The following MYO3A variants were observed in gnomAD, a reference collection of about 807,000 sequenced individuals.
MYO3A encodes myosin IIIA.
Under a neutral mutation model 192.7 loss-of-function variants are expected in MYO3A, and 180 were observed. The ratio of observed to expected loss-of-function variants is 0.93; its 90% confidence interval spans 0.83 to 1.06. The LOEUF is 1.06. Ranked by LOEUF, MYO3A falls within the 50% of genes least tolerant of loss-of-function variation. MYO3A has a pLI of 0.00. For synonymous variants in MYO3A, 628 were observed against 645.3 expected (o/e 0.97, Z 0.41); for missense variants, 1,896 against 1,905.0 (o/e 1.00, Z 0.09).
At chr10:26,165,133 C>T (rs1384828709) in intron 26 of MYO3A, among the ~76,000 whole-genome samples, 2 of 152,120 alleles carry the variant, frequency 1.3e-5, no homozygotes, top group African/African-American at 4.8e-5. Context: ...GGTTTTATCT[C>T]CGGACTCATT....
At chr10:26,056,816 T>C (rs1308499645) in intron 10 of MYO3A, among the ~76,000 whole-genome samples, 2 of 152,248 alleles carry the variant, frequency 1.3e-5, no homozygotes, top group Non-Finnish European at 2.9e-5. Context: ...TCAACTCTTA[T>C]ATCCACTACA....
rs560394732 is a variant in MYO3A at position 26,170,511 on chromosome 10, G to A, written c.3370G>A (p.Asp1124Asn). Residue 1124 changes from aspartate (D) to asparagine (N), a missense_variant, in exon 29 of 35, where the codon GAC becomes AAC. Coordinates refer to ENST00000642920, the MANE Select transcript of MYO3A (RefSeq NM_017433.5). ...TTIQTSDQEF[D>N]YKKNFENTRE... ...CATTCAAACTTCTGATCAGGAATTC[G>A]ACTACAAGAAAAACTTTGAAAATAC... The A allele has an allele frequency of 6.8e-6, 11 of 1,612,528 alleles. No homozygotes were observed. The highest frequency in any genetic ancestry group is 1.3e-5 in the African/African-American group (1 of 74,990).
chr10:26,001,093 C>A (rs551139858), intron 6 of MYO3A, among the ~76,000 whole-genome samples: 3 of 152,246 alleles, frequency 2.0e-5, no homozygotes, highest in Non-Finnish European at 2.9e-5. Context: ...AGGTCCCTCC[C>A]CCAAATTACA....
At chr10:26,155,880 T>C (rs1409777185) in intron 25 of MYO3A, among the ~76,000 whole-genome samples, 2 of 152,316 alleles carry the variant, frequency 1.3e-5, no homozygotes, top group Non-Finnish European at 2.9e-5. Context: ...CATCAAACAC[T>C]GTATGTATGT....
chr10:26,129,700 A>G (rs1236841240), intron 20 of MYO3A, among the ~76,000 whole-genome samples: 5 of 151,946 alleles, frequency 3.3e-5, no homozygotes, highest in Non-Finnish European at 5.9e-5. Flanking sequence ...TCCTCATCTC[A>G]TCAGTCATTA....
chr10:26,120,682 G>T lies in MYO3A; in HGVS notation c.1783G>T (p.Gly595Cys), dbSNP rs1386353726. 1 of 1,613,786 alleles carries T rather than the reference G, an allele frequency of 6.2e-7. No homozygotes were observed. The highest frequency in any genetic ancestry group is 2.2e-5 in the East Asian group (1 of 44,842). The change falls in exon 18 of 35, where the codon GGT (glycine) becomes TGT (cysteine). Residue 595 changes from glycine to cysteine, a missense_variant. Coordinates refer to ENST00000642920, the MANE Select transcript of MYO3A (RefSeq NM_017433.5). ...TTTCTGTGGTGTGTTTCAGCAACTTGGTAGTATATACAGCATACTCGCTGC... is the reference window on the plus strand; with the variant it reads ...TTTCTGTGGTGTGTTTCAGCAACTTTGTAGTATATACAGCATACTCGCTGC... ...KVIGFTMEQL[G>C]SIYSILAAIL...
Position 26,128,795 on chromosome 10 carries a change from G to A in MYO3A, c.2262+257G>A, listed in dbSNP as rs187498455. On this transcript the variant is annotated intron_variant, in intron 20 of 34. Transcript: ENST00000642920. ...TCTTCTCCAAAACTTAGAATTCTGA[G>A]CCTTTGTAAACGAAGATATTTCCTT... Among the ~76,000 whole-genome samples, 3 of 152,294 alleles carry A rather than the reference G, an allele frequency of 2.0e-5. No individual in the cohort carries two copies. The South Asian group carries it at 6.2e-4, about 32-fold the overall frequency.
intron 15 of MYO3A, among the ~76,000 whole-genome samples, 159 bp from the exon 16 acceptor site, chr10:26,096,222 A>G (rs549512284): frequency 1.4e-4 from 22 of 152,236 alleles, no homozygotes; most frequent in Non-Finnish European, 2.9e-4. Flanking sequence ...TGGTTGTTGA[A>G]AATAATGACA....
chr10:25,968,500 A>C (rs982982488), intron 4 of MYO3A, among the ~76,000 whole-genome samples: 6 of 152,236 alleles, frequency 3.9e-5, no homozygotes, highest in Admixed American at 3.3e-4. Context: ...TATAGGGCAG[A>C]TATGAAACAT....
intron 10 of MYO3A, among the ~76,000 whole-genome samples, chr10:26,044,922 A>C (rs901638790): frequency 6.6e-6 from 1 of 152,232 alleles, no homozygotes; most frequent in Non-Finnish European, 1.5e-5. Context: ...TCCTGGGTGA[A>C]TGGAGCTGCA....
intron 26 of MYO3A, 149 bp downstream of exon 26, chr10:26,157,664 A>C (rs1841224982): frequency 1.1e-6 from 1 of 874,260 alleles, no homozygotes; most frequent in South Asian, 1.6e-5. Context: ...AAAAAAGAAG[A>C]TAGCTATTAA....
intron 22 of MYO3A, 44 bp from the exon 23 acceptor site, chr10:26,147,386 A>G (rs1328936010): frequency 1.3e-6 from 2 of 1,562,466 alleles, no homozygotes; most frequent in Admixed American, 3.3e-5. Context: ...GAGGAGGATG[A>G]CAATGACATT....
At chr10:26,006,911 A>T (rs551871731) in intron 6 of MYO3A, among the ~76,000 whole-genome samples, 1,980 of 147,728 alleles carry the variant, frequency 0.013, 19 homozygotes, top group Non-Finnish European at 0.02. Context: ...TACCAAAGCC[A>T]GGCAGAGACA....
chr10:26,064,927 A>C (rs1468438123), intron 10 of MYO3A, among the ~76,000 whole-genome samples: 3 of 152,214 alleles, frequency 2.0e-5, no homozygotes. Flanking sequence ...ATTTAGATGC[A>C]GAAGTCTGGA....
intron 10 of MYO3A, among the ~76,000 whole-genome samples, chr10:26,066,121 C>CAAAAA (rs1331706742): frequency 5.2e-5 from 1 of 19,368 alleles, no homozygotes; most frequent in African/African-American, 1.7e-4. Flanking sequence ...AACTCCGTCT[C>CAAAAA]AAAAAAAAAA....
At chr10:26,152,629 G>A (rs1042921408) in intron 23 of MYO3A, among the ~76,000 whole-genome samples, 4 of 152,200 alleles carry the variant, frequency 2.6e-5, no homozygotes, top group African/African-American at 9.7e-5. Context: ...TATATTTTCA[G>A]AAATTAAGGT....
intron 7 of MYO3A, among the ~76,000 whole-genome samples, chr10:26,020,478 G>C (rs1842245039): frequency 6.6e-6 from 1 of 152,150 alleles, no homozygotes; most frequent in African/African-American, 2.4e-5. Context: ...GTTAAGTGAA[G>C]TCAGAAGGTG....
At chr10:25,990,220 A>C (rs577728031) in intron 4 of MYO3A, among the ~76,000 whole-genome samples, 15 of 152,230 alleles carry the variant, frequency 9.9e-5, no homozygotes, top group African/African-American at 3.6e-4. Flanking sequence ...GGGGAGGGGA[A>C]GGAGGATGCC....
At chr10:25,975,683 A>G (rs987924734) in intron 4 of MYO3A, among the ~76,000 whole-genome samples, 4 of 152,242 alleles carry the variant, frequency 2.6e-5, no homozygotes, top group Non-Finnish European at 2.9e-5. Flanking sequence ...GTATTAACAA[A>G]TAAAATCTAG....
Sources: gnomAD v4.1 joint callset for allele counts (sites outside exome capture counted in the v4.1 genomes callset) on GRCh38, gnomAD v4.1.1 for gene constraint, MANE v1.5 for transcripts, NCBI Gene and HGNC (gene_info 2026-07-23, HGNC 2026-07-21) for gene names.